ROBO1: variants seen among roughly 807,000 people sequenced by gnomAD.
ROBO1 encodes roundabout guidance receptor 1.
A neutral mutation model predicts 195.9 loss-of-function variants in ROBO1; 149 were observed. The ratio of observed to expected loss-of-function variants is 0.76; its 90% confidence interval spans 0.67 to 0.87. The LOEUF (loss-of-function observed/expected upper bound fraction) is 0.87, where lower values mean the gene tolerates loss of function less well. ROBO1 is among the 40% of genes least tolerant of loss of function. ROBO1 has a pLI of 0.00. For missense variants in ROBO1, 1,933 were observed against 2,068.3 expected (o/e 0.93, Z 1.27); for synonymous variants, 816 against 733.2 (o/e 1.11, Z -1.82).
chr3:79,740,483 T>C (rs1281722353), intron 1 of ROBO1, among the ~76,000 whole-genome samples: 1 of 151,994 alleles, frequency 6.6e-6, no homozygotes, highest in African/African-American at 2.4e-5. Context: ...CTTAATTGAC[T>C]CACAGTTCCG....
At chr3:79,283,159 G>T (rs545783958) in intron 2 of ROBO1, among the ~76,000 whole-genome samples, 15 of 152,230 alleles carry the variant, frequency 9.9e-5, no homozygotes, top group African/African-American at 3.6e-4. Flanking sequence ...ATCCATAATT[G>T]CTTTTTAGAC....
rs561600089 is a variant in ROBO1, at chr3:79,128,892, T to C, written c.89-3353A>G. Among the ~76,000 whole-genome samples the C allele has an allele frequency of 3.9e-5, 6 of 152,320 alleles. No homozygotes were observed. The East Asian group carries it at 1.2e-3, about 29-fold the overall frequency. ...AGGAATGTATAGAACTAATGCCTCA[T>C]CCATGACAGCTTGTTTCCCTCCCCA... On this transcript the variant is annotated intron_variant, in intron 2 of 30. Transcript: ENST00000464233.
intron 2 of ROBO1, among the ~76,000 whole-genome samples, chr3:79,455,070 C>A (rs1285403634): frequency 2.0e-5 from 3 of 151,880 alleles, no homozygotes; most frequent in Non-Finnish European, 2.9e-5. Flanking sequence ...GTTCTTATTA[C>A]CTAATTGGTT....
At chr3:79,344,069 T>G (rs2035014226) in intron 2 of ROBO1, among the ~76,000 whole-genome samples, 1 of 152,152 alleles carries the variant, frequency 6.6e-6, no homozygotes, top group Admixed American at 6.6e-5. Context: ...AGAGGCTAAT[T>G]GTTTCTTATT....
chr3:79,562,652 A>G (rs1285204795), intron 2 of ROBO1, among the ~76,000 whole-genome samples: 1 of 152,038 alleles, frequency 6.6e-6, no homozygotes, highest in Non-Finnish European at 1.5e-5. Context: ...AATAATAAGG[A>G]GATGAAATTG....
At chr3:78,779,026 A>G (rs184550723) in intron 4 of ROBO1, among the ~76,000 whole-genome samples, 2 of 152,302 alleles carry the variant, frequency 1.3e-5, no homozygotes, top group Non-Finnish European at 2.9e-5. Flanking sequence ...TATTTAATAA[A>G]TGGTGCTGGG....
At chr3:79,206,118 G>A (rs201271334) in intron 2 of ROBO1, among the ~76,000 whole-genome samples, 13 of 152,268 alleles carry the variant, frequency 8.5e-5, no homozygotes, top group East Asian at 5.8e-4. Flanking sequence ...GAGATCTCAT[G>A]CTGTCCTACT....
At chr3:79,223,913 C>A (rs909375724) in intron 2 of ROBO1, among the ~76,000 whole-genome samples, 1 of 152,066 alleles carries the variant, frequency 6.6e-6, no homozygotes, top group Non-Finnish European at 1.5e-5. Context: ...TTCATATAGC[C>A]AATATATTCT....
intron 3 of ROBO1, among the ~76,000 whole-genome samples, chr3:79,020,589 G>A (rs1351519643): frequency 6.6e-6 from 1 of 152,170 alleles, no homozygotes; most frequent in Non-Finnish European, 1.5e-5. Context: ...CTGCTCGGGA[G>A]GCTAAGACAG....
intron 4 of ROBO1, among the ~76,000 whole-genome samples, chr3:78,934,170 T>C (rs2039676607): frequency 6.6e-6 from 1 of 151,958 alleles, no homozygotes; most frequent in South Asian, 2.1e-4. Flanking sequence ...AAAAAGGTAG[T>C]GAAAGCAATA....
chr3:78,897,279 A>C (rs1397661920), intron 4 of ROBO1, among the ~76,000 whole-genome samples: 1 of 152,150 alleles, frequency 6.6e-6, no homozygotes. Flanking sequence ...GAAGGAACAC[A>C]AGCATCAGTA....
chr3:78,622,232 T>C (rs1180577308), intron 26 of ROBO1, among the ~76,000 whole-genome samples: 2 of 152,202 alleles, frequency 1.3e-5, no homozygotes, highest in African/African-American at 4.8e-5. Flanking sequence ...AATACCAAAA[T>C]TGAAATATTC....
chr3:78,720,995 G>GC (rs2082031432), intron 5 of ROBO1, among the ~76,000 whole-genome samples: 1 of 150,780 alleles, frequency 6.6e-6, no homozygotes, highest in South Asian at 2.1e-4. Flanking sequence ...TATACCTAAC[G>GC]TAAATGATGA....
At chr3:79,569,711 A>G (rs1385135458) in intron 2 of ROBO1, among the ~76,000 whole-genome samples, 5 of 150,818 alleles carry the variant, frequency 3.3e-5, no homozygotes, top group Admixed American at 6.7e-5. Context: ...GTGTGTGTGT[A>G]TATATATATG....
intron 2 of ROBO1, among the ~76,000 whole-genome samples, chr3:79,258,010 T>C (rs1268249488): frequency 6.6e-6 from 1 of 152,108 alleles, no homozygotes; most frequent in Non-Finnish European, 1.5e-5. Flanking sequence ...TTTTCAGCCT[T>C]TGGGATGTGT....
chr3:79,115,134 C>A (rs2079968785), intron 3 of ROBO1, among the ~76,000 whole-genome samples: 1 of 152,160 alleles, frequency 6.6e-6, no homozygotes, highest in South Asian at 2.1e-4. Flanking sequence ...ATACAACCAT[C>A]ATGAACTGGG....
rs559848225 is a variant in ROBO1, at chr3:79,372,066, A to G, written c.88+217758T>C. Among the ~76,000 whole-genome samples, 514 of 152,290 alleles carry G rather than the reference A, an allele frequency of 3.4e-3. 7 individuals carry two copies. The highest frequency in any genetic ancestry group is 0.01 in the African/African-American group (433 of 41,564). On this transcript the variant is annotated intron_variant, in intron 2 of 30. Coordinates refer to ENST00000464233, the MANE Select transcript of ROBO1 (RefSeq NM_002941.4). ...AATCTAGTGCCGCAGCTGATCTGAC[A>G]GGAGGCAGAGCTCAGTGGGTAATGC... is the stretch of plus-strand genomic sequence containing the variant.
At chr3:79,765,455 C>A (rs1704933213) in intron 1 of ROBO1, among the ~76,000 whole-genome samples, 1 of 152,092 alleles carries the variant, frequency 6.6e-6, no homozygotes, top group Non-Finnish European at 1.5e-5. Context: ...TGCCTCTTCC[C>A]TTTAACAAAA....
chr3:78,726,780 A>T (rs2082171903), intron 5 of ROBO1, among the ~76,000 whole-genome samples: 1 of 152,186 alleles, frequency 6.6e-6, no homozygotes, highest in African/African-American at 2.4e-5. Context: ...TGGTGAAATC[A>T]GCTGCAGTAC....
Sources: gnomAD v4.1 joint callset for allele counts (sites outside exome capture counted in the v4.1 genomes callset) on GRCh38, gnomAD v4.1.1 for gene constraint, MANE v1.5 for transcripts, NCBI Gene and HGNC (gene_info 2026-07-23, HGNC 2026-07-21) for gene names.